The following SLAIN1 variants were observed in gnomAD, a reference collection of about 807,000 sequenced individuals.
The protein encoded by SLAIN1 is SLAIN family member 1, also known as SLAIN motif-containing protein 1.
A neutral mutation model predicts 55.4 loss-of-function variants in SLAIN1; 17 were observed. The observed-to-expected ratio is 0.31, with a 90% confidence interval of 0.21 to 0.46. SLAIN1 has a LOEUF of 0.46. Among genes scored for constraint, SLAIN1 ranks in the 20% least tolerant of loss-of-function variants. The probability of loss-of-function intolerance (pLI) is 1.00; values close to 1 mark genes in which losing one functional copy is unlikely to be tolerated. For missense variants in SLAIN1, 682 were observed against 785.1 expected, an observed-to-expected ratio of 0.87 and a Z score of 1.57; for synonymous variants, 348 against 337.4, an observed-to-expected ratio of 1.03 and a Z score of -0.35.
chr13:77,716,005 A>G (rs2091203042), intron 1 of SLAIN1, among the ~76,000 whole-genome samples: 1 of 152,130 alleles, frequency 6.6e-6, no homozygotes, highest in Non-Finnish European at 1.5e-5. Context: ...ACTCAAGGAC[A>G]CACATACTTT....
chr13:77,731,837 G>A (rs1046241136), intron 2 of SLAIN1, among the ~76,000 whole-genome samples: 10 of 152,074 alleles, frequency 6.6e-5, no homozygotes, highest in African/African-American at 1.9e-4. Context: ...CCAACAAGGC[G>A]ATGATTGGAT....
intron 1 of SLAIN1, among the ~76,000 whole-genome samples, chr13:77,711,962 A>G (rs892081137): frequency 1.3e-5 from 2 of 152,216 alleles, no homozygotes; most frequent in South Asian, 2.1e-4. Context: ...AACAGAACCA[A>G]TCACAAAACC....
intron 2 of SLAIN1, among the ~76,000 whole-genome samples, chr13:77,740,734 A>G (rs1873381429): frequency 6.6e-6 from 1 of 152,040 alleles, no homozygotes; most frequent in Non-Finnish European, 1.5e-5. Context: ...ATTGGTTGAA[A>G]AAGATAAAAT....
At chr13:77,720,468 G>T (rs2091251331) in intron 2 of SLAIN1, among the ~76,000 whole-genome samples, 1 of 152,146 alleles carries the variant, frequency 6.6e-6, no homozygotes, top group African/African-American at 2.4e-5. Flanking sequence ...TCACCAGTGT[G>T]ATTCTCATGT....
In SLAIN1 at chr13:77,740,224, A is replaced by T. The variant is rs1421429524; in HGVS notation, c.767-4059A>T. On this transcript the variant is annotated intron_variant, in intron 2 of 6. Transcript: ENST00000418532. ...GATGAGAGTAACACAGTTAAAATAC[A>T]TGACATTCAGAACAGGTTTGCTCAG... is the stretch of plus-strand genomic sequence containing the variant. Among the ~76,000 whole-genome samples, 3 of 152,092 alleles carry T rather than the reference A, an allele frequency of 2.0e-5. No individual in the cohort carries two copies. The East Asian group carries it at 5.8e-4, about 29-fold the overall frequency.
At chr13:77,703,191 G>A (rs1233015326) in intron 1 of SLAIN1, among the ~76,000 whole-genome samples, 4 of 152,078 alleles carry the variant, frequency 2.6e-5, no homozygotes, top group African/African-American at 4.8e-5. Context: ...TTTCCCAACT[G>A]GGAAAGACAA....
chr13:77,733,060 A>G (rs1420099357), intron 2 of SLAIN1, among the ~76,000 whole-genome samples: 5 of 152,124 alleles, frequency 3.3e-5, no homozygotes, highest in Non-Finnish European at 7.4e-5. Context: ...TCCTATTAAA[A>G]CCTAAGAAAC....
intron 3 of SLAIN1, among the ~76,000 whole-genome samples, chr13:77,745,753 T>G (rs1348690304): frequency 1.3e-5 from 2 of 152,146 alleles, no homozygotes; most frequent in African/African-American, 4.8e-5. Context: ...AGTGGTTATT[T>G]TATATAATTA....
At chr13:77,753,404 A>AT in intron 5 of SLAIN1, 46 bp downstream of exon 5, 1 of 1,000,146 alleles carries the variant, frequency 1.0e-6, no homozygotes, top group Non-Finnish European at 1.3e-6. Context: ...TAATTGTATA[A>AT]TTTTTTATAA....
At chr13:77,707,466 C>T (rs983549577) in intron 1 of SLAIN1, among the ~76,000 whole-genome samples, 1 of 152,050 alleles carries the variant, frequency 6.6e-6, no homozygotes, top group African/African-American at 2.4e-5. Flanking sequence ...GTTCTCTTTA[C>T]TCCCTCTACT....
At chr13:77,711,903 A>C (rs1216571152) in intron 1 of SLAIN1, among the ~76,000 whole-genome samples, 1 of 152,244 alleles carries the variant, frequency 6.6e-6, no homozygotes, top group Non-Finnish European at 1.5e-5. Flanking sequence ...CATCCCCGGG[A>C]TGCAGGGCTG....
At chr13:77,746,913 G>T (rs943873712) in intron 4 of SLAIN1, 58 bp downstream of exon 4, 10 of 1,441,670 alleles carry the variant, frequency 6.9e-6, no homozygotes, top group African/African-American at 4.3e-5. Context: ...ATGTGGTCAA[G>T]AAATGGTTTT....
chr13:77,748,736 A>G (rs1874010871), intron 4 of SLAIN1, among the ~76,000 whole-genome samples: 1 of 152,108 alleles, frequency 6.6e-6, no homozygotes, highest in Non-Finnish European at 1.5e-5. Flanking sequence ...TCTGGATATG[A>G]CTTCTGACTA....
chr13:77,728,192 A>AT (rs1457942167), intron 2 of SLAIN1, among the ~76,000 whole-genome samples: 1 of 152,180 alleles, frequency 6.6e-6, no homozygotes, highest in Non-Finnish European at 1.5e-5. Context: ...TAGAATAAAA[A>AT]TAACAAAACT....
intron 2 of SLAIN1, among the ~76,000 whole-genome samples, chr13:77,723,247 C>T (rs2091278188): frequency 1.3e-5 from 2 of 152,150 alleles, no homozygotes; most frequent in Non-Finnish European, 2.9e-5. Flanking sequence ...TATTCTCTTA[C>T]TCTACTTGGA....
chr13:77,713,561 A>G (rs558124642), intron 1 of SLAIN1, among the ~76,000 whole-genome samples: 1 of 152,384 alleles, frequency 6.6e-6, no homozygotes, highest in Non-Finnish European at 1.5e-5. Flanking sequence ...GAACACTTTT[A>G]CACTGTTGGT....
chr13:77,742,984 C>T, intron 2 of SLAIN1: 1 of 1,253,374 alleles, frequency 8.0e-7, no homozygotes, highest in African/African-American at 1.6e-5. Context: ...TTCCATATAG[C>T]TAACTGCTGC....
At chr13:77,756,808 A>G (rs1469584918) in intron 5 of SLAIN1, among the ~76,000 whole-genome samples, 2 of 152,270 alleles carry the variant, frequency 1.3e-5, no homozygotes, top group East Asian at 3.9e-4. Context: ...TAATAAGTCT[A>G]TTCCTAGGAA....
intron 1 of SLAIN1, among the ~76,000 whole-genome samples, chr13:77,705,948 C>T (rs932538626): frequency 6.6e-6 from 1 of 152,024 alleles, no homozygotes; most frequent in East Asian, 1.9e-4. Flanking sequence ...TGAAAATGAT[C>T]ACTTCTGTCT....
Sources: gnomAD v4.1 joint callset for allele counts (sites outside exome capture counted in the v4.1 genomes callset) on GRCh38, gnomAD v4.1.1 for gene constraint, MANE v1.5 for transcripts, NCBI Gene and HGNC (gene_info 2026-07-23, HGNC 2026-07-21) for gene names.